Variants in ZNF37A observed in about 807,000 individuals in gnomAD.
The protein encoded by ZNF37A is zinc finger protein 37A.
ZNF37A carries 10 observed loss-of-function variants against 12.3 expected under a neutral mutation model. That is an observed-to-expected ratio of 0.82 (90% confidence interval 0.50 to 1.38). ZNF37A has a LOEUF of 1.38. Among genes scored for constraint, ZNF37A ranks in the 40% most tolerant of loss-of-function variants. The pLI, the probability that ZNF37A is intolerant of heterozygous loss-of-function variation, is 0.00. For missense variants in ZNF37A, 580 were observed against 651.2 expected, an observed-to-expected ratio of 0.89 and a Z score of 1.19; for synonymous variants, 207 against 223.0, an observed-to-expected ratio of 0.93 and a Z score of 0.64.
intron 7 of ZNF37A, chr10:38,138,789 A>G (rs1264112993): frequency 6.6e-6 from 1 of 152,184 alleles, no homozygotes; most frequent in African/African-American, 2.4e-5. Context: ...GAGTCTTGTC[A>G]TTAAATTTGC....
At chr10:38,109,050 A>G (rs2068397343) in intron 5 of ZNF37A, among the ~76,000 whole-genome samples, 2 of 152,324 alleles carry the variant, frequency 1.3e-5, no homozygotes, top group South Asian at 4.1e-4. Flanking sequence ...TTCCAGGCCA[A>G]TATCCCTGAT....
In ZNF37A at chr10:38,114,795, A is replaced by T; in HGVS notation, c.56A>T (p.Gln19Leu). 6.2e-7 allele frequency: 1 copy of T among 1,613,984 alleles called. No individual in the cohort carries two copies. The highest frequency in any genetic ancestry group is 8.5e-7 in the Non-Finnish European group (1 of 1,179,968). Residue 19 changes from glutamine (Q) to leucine (L), a missense_variant, in exon 6 of 8, where the codon CAA becomes CTA. Transcript: ENST00000685332. The stretch of plus-strand genomic sequence containing the variant: ...AGGGATGTGACTGTGGGCTTCACTC[A>T]AGAGGAGTGGCAGCATCTGGACCCT... ...SFRDVTVGFT[Q>L]EEWQHLDPAQ...
Position 38,118,088 on chromosome 10 carries a change from G to C in ZNF37A, c.937G>C (p.Asp313His). ...TGGGAAGACCTTCTATAAGAATTCA[G>C]ACCTCATTAAACATCAAAGAATTCA... is the stretch of plus-strand genomic sequence containing the variant. ...ECGKTFYKNS[D>H]LIKHQRIHTG... Residue 313 changes from aspartate to histidine, a missense_variant, in exon 8 of 8, where the codon GAC (aspartate) becomes CAC (histidine). Physicochemically the swap from Asp to His is moderately conservative, Grantham distance 81. Transcript: ENST00000685332. 6.2e-7 allele frequency: 1 copy of C among 1,613,758 alleles called. No individual in the cohort carries two copies. Among genetic ancestry groups the C allele is most frequent in the Non-Finnish European group, 8.5e-7 (1 of 1,179,860 alleles).
At chr10:38,135,886 G>A (rs2070101200) in intron 7 of ZNF37A, among the ~76,000 whole-genome samples, 1 of 152,062 alleles carries the variant, frequency 6.6e-6, no homozygotes, top group South Asian at 2.1e-4. Context: ...ACAACACATG[G>A]GGATCATGGG....
At chr10:38,117,139 A>C in intron 7 of ZNF37A, 3 of 982,354 alleles carry the variant, frequency 3.1e-6, no homozygotes, top group Non-Finnish European at 3.6e-6. Context: ...CACCAACAAC[A>C]ACCAAGAACA....
downstream of ZNF37A, among the ~76,000 whole-genome samples, chr10:38,128,285 A>G (rs2069957754): frequency 6.6e-6 from 1 of 152,200 alleles, no homozygotes; most frequent in Non-Finnish European, 1.5e-5. Flanking sequence ...TAACTAATTC[A>G]TTAATTTATG....
Position 38,118,956 on chromosome 10 carries a change from G to GAAA in ZNF37A, c.*119_*120insAAA. The GAAA allele has an allele frequency of 4.0e-6, 4 of 1,005,542 alleles. No individual in the cohort carries two copies. The highest frequency in any genetic ancestry group is 4.0e-6 in the Non-Finnish European group (3 of 758,418). 62.3% of individuals were successfully genotyped at this position (1,005,542 alleles called of 1,614,324 possible). On this transcript the variant is annotated 3_prime_UTR_variant, in exon 8 of 8. Coordinates refer to ENST00000685332, the MANE Select transcript of ZNF37A (RefSeq NM_001324250.3). ...ACAGTATAGAAGAGAACTTAAAGAG[G>GAAA]GAAAAAACAATATGAAGATAGGGAA...
intron 5 of ZNF37A, among the ~76,000 whole-genome samples, chr10:38,105,003 T>TTTTC (rs143072280): frequency 0.4 from 57,964 of 146,216 alleles, 11,741 homozygotes; most frequent in East Asian, 0.49. Flanking sequence ...ATCCAATATT[T>TTTTC]TTTCTTTTTT....
In ZNF37A at chr10:38,095,582, A is replaced by AT. The variant is rs539942769; in HGVS notation, c.-152dup. 13 of 152,332 alleles carry AT rather than the reference A, an allele frequency of 8.5e-5. No individual in the cohort carries two copies. The East Asian group carries it at 2.1e-3, about 25-fold the overall frequency. 9.4% of individuals were successfully genotyped at this position (152,332 alleles called of 1,614,324 possible). A position where few individuals can be genotyped will look rare whatever the true frequency, so the allele number is the denominator to read the frequency against. On this transcript the variant is annotated 5_prime_UTR_variant, in exon 3 of 8. The change abolishes an upstream ATG in the 5' untranslated region. Coordinates refer to ENST00000685332, the MANE Select transcript of ZNF37A (RefSeq NM_001324250.3). ...CTGCAGCACAACTAGAGATGTACGG[A>AT]TGCCCCCATCTTGATCTTACAGAAT...
At chr10:38,131,586 A>G (rs1032243931) in intron 7 of ZNF37A, among the ~76,000 whole-genome samples, 1 of 152,166 alleles carries the variant, frequency 6.6e-6, no homozygotes, top group African/African-American at 2.4e-5. Context: ...GGTAGGTTTC[A>G]AAGTCAGGAA....
rs190565742 is a variant in ZNF37A, at chr10:38,144,380, A to C, written c.239-2352A>C. The C allele has an allele frequency of 7.2e-5, 11 of 152,358 alleles. 1 individual carries two copies. The East Asian group carries it at 2.1e-3, about 29-fold the overall frequency. 9.4% of individuals were successfully genotyped at this position (152,358 alleles called of 1,614,324 possible). On this transcript the variant is annotated intron_variant, in intron 7 of 7. Coordinates refer to the ZNF37A transcript ENST00000638053. ...TTTAAAAAATCACATACTCAAAAAA[A>C]TAAACTTACTGTCTGTATATTTTTG...
chr10:38,145,534 A>G (rs1316708401), intron 7 of ZNF37A, among the ~76,000 whole-genome samples: 1 of 152,198 alleles, frequency 6.6e-6, no homozygotes, highest in East Asian at 1.9e-4. Flanking sequence ...TACATTTTTC[A>G]TATTATCTAT....
rs371776059 is a variant in ZNF37A, at chr10:38,118,174, C to T, written c.1023C>T (p.Thr341=). Residue 341 remains threonine (T), a synonymous_variant, in exon 8 of 8, where the codon ACC becomes ACT. Coordinates refer to ENST00000685332, the MANE Select transcript of ZNF37A (RefSeq NM_001324250.3). The part of the protein sequence containing the change: ...ECGKSFSEKS[T]LTQHQRTHTG... Reference sequence around the variant, plus strand: ...GGAAATCCTTCAGTGAAAAGTCAACCCTTACTCAACATCAAAGAACGCACA... The same window carrying T: ...GGAAATCCTTCAGTGAAAAGTCAACTCTTACTCAACATCAAAGAACGCACA... 21 of 1,613,858 alleles carry T rather than the reference C, an allele frequency of 1.3e-5. No homozygotes were observed. Among genetic ancestry groups the T allele is most frequent in the Non-Finnish European group, 1.7e-5 (20 of 1,179,946 alleles).
intron 7 of ZNF37A, chr10:38,139,583 GTC>G (rs1175439556): frequency 6.6e-6 from 1 of 152,252 alleles, no homozygotes; most frequent in African/African-American, 2.4e-5. Context: ...GGCCAGGATG[GTC>G]TGGATCTCTT....
chr10:38,098,658 T>G (rs2067331235), intron 5 of ZNF37A, among the ~76,000 whole-genome samples: 1 of 152,188 alleles, frequency 6.6e-6, no homozygotes. Context: ...AATTTATTAG[T>G]TTTTCATTTA....
At chr10:38,125,368 T>C (rs998290853), downstream of ZNF37A, 2 of 152,126 alleles carry the variant, frequency 1.3e-5, no homozygotes, top group Non-Finnish European at 2.9e-5. Context: ...GTGTGGAAAG[T>C]TCACTACAGA....
At chr10:38,100,056 G>A (rs1564912977) in intron 5 of ZNF37A, among the ~76,000 whole-genome samples, 2 of 152,136 alleles carry the variant, frequency 1.3e-5, no homozygotes, top group Non-Finnish European at 2.9e-5. Context: ...GCTTCTGGGG[G>A]AGACATCACA....
At chr10:38,135,246 G>C (rs189896389) in intron 7 of ZNF37A, among the ~76,000 whole-genome samples, 1 of 152,120 alleles carries the variant, frequency 6.6e-6, no homozygotes, top group African/African-American at 2.4e-5. Context: ...TTAACTAGGC[G>C]TGGTGGTGCA....
chr10:38,095,302 C>T (rs148013318), intron 2 of ZNF37A, 78 bp downstream of exon 2: 1 of 152,476 alleles, frequency 6.6e-6, no homozygotes, highest in East Asian at 1.9e-4. Flanking sequence ...TGACACCTCA[C>T]TAGAGATCTA....
Sources: gnomAD v4.1 joint callset for allele counts (sites outside exome capture counted in the v4.1 genomes callset) on GRCh38, gnomAD v4.1.1 for gene constraint, MANE v1.5 for transcripts, NCBI Gene and HGNC (gene_info 2026-07-23, HGNC 2026-07-21) for gene names.